The following NEO1 variants were observed in gnomAD, a reference collection of about 807,000 sequenced individuals.
NEO1 encodes neogenin.
Under a neutral mutation model 159.7 loss-of-function variants are expected in NEO1, and 63 were observed. The observed-to-expected ratio is 0.39, with a 90% confidence interval of 0.32 to 0.49. The LOEUF (loss-of-function observed/expected upper bound fraction) is 0.49. Among genes scored for constraint, NEO1 ranks in the 20% least tolerant of loss-of-function variants. The pLI is 0.85. For synonymous variants in NEO1, 633 were observed against 662.0 expected (o/e 0.96, Z 0.67); for missense variants, 1,615 against 1,831.0 (o/e 0.88, Z 2.15).
At chr15:73,261,568 G>A (rs550717532) in intron 15 of NEO1, among the ~76,000 whole-genome samples, 64 of 152,210 alleles carry the variant, frequency 4.2e-4, no homozygotes, top group East Asian at 2.3e-3. Flanking sequence ...ACAATACCAC[G>A]TAGAATAGCA....
At chr15:73,060,390 A>C (rs1195642420) in intron 1 of NEO1, among the ~76,000 whole-genome samples, 1 of 152,124 alleles carries the variant, frequency 6.6e-6, no homozygotes, top group East Asian at 1.9e-4. Context: ...CAGCCTCCCA[A>C]GTAGCTGGGA....
rs77936507 is a variant in NEO1 at position 73,203,818 on chromosome 15, G to A, written c.1291+25391G>A. ...CTTACCCATATGCTGTAGCTACCCA[G>A]TATATTGTTACTACTATTGCTTTAA... On this transcript the variant is annotated intron_variant, in intron 7 of 28. Coordinates refer to ENST00000261908, the MANE Select transcript of NEO1 (RefSeq NM_002499.4). Among the ~76,000 whole-genome samples the A allele has an allele frequency of 8.5e-3, 1,300 of 152,062 alleles. 22 individuals are homozygous for A. The highest frequency in any genetic ancestry group is 0.03 in the African/African-American group (1,228 of 41,480).
intron 1 of NEO1, among the ~76,000 whole-genome samples, chr15:73,067,621 T>C (rs2068288634): frequency 6.7e-6 from 1 of 149,970 alleles, no homozygotes. Context: ...AGCTAATTTT[T>C]TTTTTTTTTT....
At chr15:73,286,688 G>C (rs536286882) in intron 23 of NEO1, among the ~76,000 whole-genome samples, 1 of 152,244 alleles carries the variant, frequency 6.6e-6, no homozygotes, top group East Asian at 1.9e-4. Flanking sequence ...ATCTTTTCAG[G>C]CAAACCCGCT....
At position 73,126,675 on chromosome 15, in the gene NEO1, A is replaced by G. The variant is rs964797136; in HGVS notation, c.878+105A>G. 43 of 996,696 alleles carry G rather than the reference A, an allele frequency of 4.3e-5. No homozygotes were observed. The African/African-American group carries it at 5.4e-4, about 13-fold the overall frequency. The allele number at this position is 996,696 out of a possible 1,614,324, so 61.7% of individuals were successfully genotyped here. On this transcript the variant is annotated intron_variant, in intron 4 of 28. Transcript: ENST00000261908. The stretch of plus-strand genomic sequence containing the variant: ...TTAAAAAGATTATCAACTTTATTTA[A>G]ACACATCATAATGCTCATATGTCAT...
intron 7 of NEO1, among the ~76,000 whole-genome samples, chr15:73,190,250 C>T (rs940403485): frequency 9.2e-5 from 14 of 152,040 alleles, no homozygotes; most frequent in African/African-American, 3.4e-4. Flanking sequence ...AAATAGATTG[C>T]GAAATTATCA....
chr15:73,255,439 C>G (rs1443543736), intron 13 of NEO1: 2 of 152,136 alleles, frequency 1.3e-5, no homozygotes, highest in Admixed American at 1.3e-4. Flanking sequence ...ACAGAGAATC[C>G]TCCCGTCTTC....
chr15:73,250,187 CACCCATATATAT>C (rs2040003294), intron 11 of NEO1, among the ~76,000 whole-genome samples: 1 of 150,810 alleles, frequency 6.6e-6, no homozygotes, highest in Non-Finnish European at 1.5e-5. Flanking sequence ...TATATATATA[CACCCATATATAT>C]GTATATACAC....
intron 5 of NEO1, among the ~76,000 whole-genome samples, chr15:73,176,121 A>G (rs2035268325): frequency 6.6e-6 from 1 of 152,200 alleles, no homozygotes; most frequent in South Asian, 2.1e-4. Flanking sequence ...GACATTTTTA[A>G]TTTCTCCAAT....
At chr15:73,068,223 A>ACCCCCCCCCCCCC (rs1555421033) in intron 1 of NEO1, among the ~76,000 whole-genome samples, 4 of 82,972 alleles carry the variant, frequency 4.8e-5, no homozygotes, top group Non-Finnish European at 4.9e-5. Flanking sequence ...TTGTCCCCCT[A>ACCCCCCCCCCCCC]CCCCCCCCCC....
At position 73,272,521 on chromosome 15, in the gene NEO1, T is replaced by C; in HGVS notation, c.2924T>C (p.Val975Ala). The change falls in exon 19 of 29, where the codon GTG (valine) becomes GCG (alanine). Residue 975 changes from valine (V) to alanine (A), a missense_variant. By Grantham distance (64) the Val-to-Ala change is moderately conservative (BLOSUM62 0). Coordinates refer to ENST00000261908, the MANE Select transcript of NEO1 (RefSeq NM_002499.4). Reference sequence around the variant, plus strand: ...GAGGGGAAACCTAAGACCATAATTGTGAATTGGCAGCCTCCCTCCGAAGCC... The same window carrying C: ...GAGGGGAAACCTAAGACCATAATTGCGAATTGGCAGCCTCCCTCCGAAGCC... ...SKEGKPKTII[V>A]NWQPPSEANG... is the part of the protein sequence containing the mutation. 1 of 1,614,032 alleles carries C rather than the reference T, an allele frequency of 6.2e-7. No individual in the cohort carries two copies. The highest frequency in any genetic ancestry group is 8.5e-7 in the Non-Finnish European group (1 of 1,179,928).
At chr15:73,093,719 G>A (rs1416088165) in intron 1 of NEO1, among the ~76,000 whole-genome samples, 1 of 151,780 alleles carries the variant, frequency 6.6e-6, no homozygotes, top group Non-Finnish European at 1.5e-5. Context: ...GACCACAGGC[G>A]TGCACTACCA....
intron 1 of NEO1, among the ~76,000 whole-genome samples, chr15:73,096,234 C>T (rs1404983581): frequency 2.0e-5 from 3 of 152,062 alleles, no homozygotes; most frequent in South Asian, 2.1e-4. Flanking sequence ...GTTGGTTCGG[C>T]TTACACAATT....
At chr15:73,258,980 G>C (rs2040492651) in intron 14 of NEO1, 104 bp downstream of exon 14, 1 of 859,472 alleles carries the variant, frequency 1.2e-6, no homozygotes. Flanking sequence ...GCTCAAGTCT[G>C]TGAACTTTAG....
chr15:73,181,727 A>G (rs974908094), intron 7 of NEO1, among the ~76,000 whole-genome samples: 1 of 151,554 alleles, frequency 6.6e-6, no homozygotes, highest in Non-Finnish European at 1.5e-5. Context: ...TGACCCAAAC[A>G]CCTCCCCAGG....
intron 15 of NEO1, among the ~76,000 whole-genome samples, chr15:73,261,061 A>G (rs2040597687): frequency 6.6e-6 from 1 of 152,122 alleles, no homozygotes; most frequent in Non-Finnish European, 1.5e-5. Context: ...ACCCCTATGA[A>G]GAGAATGGCC....
intron 1 of NEO1, among the ~76,000 whole-genome samples, chr15:73,115,910 G>A (rs1022730805): frequency 6.6e-6 from 1 of 152,056 alleles, no homozygotes; most frequent in African/African-American, 2.4e-5. Context: ...ACAAAGCAAG[G>A]CTGAAATTTT....
At chr15:73,111,350 G>T (rs1400496008) in intron 1 of NEO1, among the ~76,000 whole-genome samples, 1 of 152,046 alleles carries the variant, frequency 6.6e-6, no homozygotes, top group East Asian at 1.9e-4. Context: ...TTTTCATAAT[G>T]TTCCTCTCCT....
chr15:73,166,121 C>T (rs748561249), intron 5 of NEO1, among the ~76,000 whole-genome samples: 11 of 152,116 alleles, frequency 7.2e-5, no homozygotes, highest in East Asian at 1.9e-4. Flanking sequence ...CCTACCTTAC[C>T]GGTTTCTTCC....
Sources: gnomAD v4.1 joint callset for allele counts (sites outside exome capture counted in the v4.1 genomes callset) on GRCh38, gnomAD v4.1.1 for gene constraint, MANE v1.5 for transcripts, NCBI Gene and HGNC (gene_info 2026-07-23, HGNC 2026-07-21) for gene names.